Variants in METTL15 observed in about 807,000 individuals in gnomAD.
METTL15 encodes 12S rRNA N(4)-cytidine methyltransferase METTL15.
METTL15 carries 34 observed loss-of-function variants against 38.3 expected under a neutral mutation model. That is an observed-to-expected ratio of 0.89 (90% CI 0.68 to 1.18). The LOEUF (loss-of-function observed/expected upper bound fraction) is 1.18. Ranked by LOEUF, METTL15 falls within the 50% of genes most tolerant of loss-of-function variation. METTL15 has a pLI of 0.00. For missense variants in METTL15, 438 were observed against 498.4 expected (o/e 0.88, Z 1.15); for synonymous variants, 162 against 170.9 (o/e 0.95, Z 0.41).
chr11:28,128,381 C>G (rs1852588455), intron 3 of METTL15, among the ~76,000 whole-genome samples: 2 of 151,912 alleles, frequency 1.3e-5, no homozygotes. Context: ...CAATATAATG[C>G]TAGAAATTGA....
rs892854650 is a variant in METTL15, at chr11:28,262,996, GTTTTC to G, written c.408-27205_408-27201del. Among the ~76,000 whole-genome samples the G allele has an allele frequency of 5.9e-5, 9 of 151,884 alleles. No individual in the cohort carries two copies. The South Asian group carries it at 8.3e-4, about 14-fold the overall frequency. ...GAGTAGAGTACTTCAATCCATGTCTGTTTTCTTTTTTTTAATTGGGTTATTTCCAC... is the reference window on the plus strand; with the variant it reads ...GAGTAGAGTACTTCAATCCATGTCTGTTTTTTTTAATTGGGTTATTTCCAC... On this transcript the variant is annotated intron_variant, in intron 4 of 6. Transcript: ENST00000407364.
chr11:28,419,572 T>C (rs1419402952), intron 5 of METTL15, among the ~76,000 whole-genome samples: 1 of 152,126 alleles, frequency 6.6e-6, no homozygotes, highest in African/African-American at 2.4e-5. Flanking sequence ...CTGTGAAGAC[T>C]ACCATAAATA....
intron 5 of METTL15, among the ~76,000 whole-genome samples, chr11:28,411,563 T>G (rs1850724391): frequency 1.3e-5 from 2 of 151,884 alleles, no homozygotes; most frequent in African/African-American, 2.4e-5. Context: ...AACCCTTAGA[T>G]CATACACAGA....
intron 3 of METTL15, among the ~76,000 whole-genome samples, chr11:28,177,250 C>G (rs1311958657): frequency 6.6e-6 from 1 of 151,966 alleles, no homozygotes; most frequent in Non-Finnish European, 1.5e-5. Flanking sequence ...GAATTAGCAT[C>G]TGACATTTTA....
At chr11:28,405,070 G>A (rs1251951748) in intron 5 of METTL15, among the ~76,000 whole-genome samples, 1 of 152,108 alleles carries the variant, frequency 6.6e-6, no homozygotes, top group Non-Finnish European at 1.5e-5. Flanking sequence ...AACATTCATT[G>A]TACAGCTGCA....
intron 3 of METTL15, among the ~76,000 whole-genome samples, chr11:28,339,710 A>G (rs1849933409): frequency 6.6e-6 from 1 of 152,104 alleles, no homozygotes; most frequent in Non-Finnish European, 1.5e-5. Flanking sequence ...CAAACTACAG[A>G]TCCAAGAAGC....
At chr11:28,521,023 T>TG (rs1362197609) in intron 6 of METTL15, among the ~76,000 whole-genome samples, 19 of 152,350 alleles carry the variant, frequency 1.2e-4, no homozygotes, top group African/African-American at 4.6e-4. Context: ...TTCTTTTTTT[T>TG]TTTTTAACTT....
At chr11:28,184,768 G>A (rs529231866) in intron 3 of METTL15, among the ~76,000 whole-genome samples, 4 of 151,218 alleles carry the variant, frequency 2.6e-5, no homozygotes, top group Non-Finnish European at 4.4e-5. Context: ...GTTCTTATGC[G>A]AAAGGAAAAT....
At chr11:28,388,220 A>G (rs1005071863) in intron 5 of METTL15, among the ~76,000 whole-genome samples, 2 of 152,108 alleles carry the variant, frequency 1.3e-5, no homozygotes, top group South Asian at 4.1e-4. Flanking sequence ...AGAGCAGTTA[A>G]CCAAGAAAAA....
intron 3 of METTL15, among the ~76,000 whole-genome samples, chr11:28,197,987 G>T (rs1041491157): frequency 9.2e-5 from 14 of 152,016 alleles, no homozygotes; most frequent in African/African-American, 2.9e-4. Flanking sequence ...GTATTTCTTT[G>T]TTTTCACATT....
At chr11:28,316,101 C>A (rs774283795) in intron 6 of METTL15, among the ~76,000 whole-genome samples, 1 of 152,206 alleles carries the variant, frequency 6.6e-6, no homozygotes, top group Non-Finnish European at 1.5e-5. Context: ...CTCCAGACCG[C>A]AGAATGGTAG....
chr11:28,380,283 T>C (rs548434271), intron 5 of METTL15, among the ~76,000 whole-genome samples: 1 of 150,536 alleles, frequency 6.6e-6, no homozygotes, highest in Admixed American at 6.7e-5. Flanking sequence ...TTCTCCTGCC[T>C]CAGCCTCCTG....
chr11:28,247,079 A>G (rs938859094), intron 4 of METTL15, among the ~76,000 whole-genome samples: 2 of 152,100 alleles, frequency 1.3e-5, no homozygotes, highest in Admixed American at 6.6e-5. Context: ...TCTATATGCT[A>G]TATACTAACT....
chr11:28,181,727 A>G (rs1320158081), intron 3 of METTL15, among the ~76,000 whole-genome samples: 2 of 149,534 alleles, frequency 1.3e-5, no homozygotes, highest in Non-Finnish European at 3.0e-5. Context: ...ACGTGTGTGC[A>G]TGTGTCTTTA....
chr11:28,149,447 A>G (rs898965433), intron 3 of METTL15, among the ~76,000 whole-genome samples: 5 of 151,838 alleles, frequency 3.3e-5, no homozygotes, highest in Admixed American at 3.3e-4. Flanking sequence ...GTACCACACC[A>G]GGGCCATTCT....
intron 5 of METTL15, among the ~76,000 whole-genome samples, chr11:28,374,781 A>T (rs1025544078): frequency 6.6e-6 from 1 of 151,138 alleles, no homozygotes; most frequent in African/African-American, 2.4e-5. Context: ...TTGCCCATTC[A>T]GTATGGTATT....
At chr11:28,417,114 A>C (rs1850778804) in intron 5 of METTL15, among the ~76,000 whole-genome samples, 1 of 152,178 alleles carries the variant, frequency 6.6e-6, no homozygotes, top group African/African-American at 2.4e-5. Flanking sequence ...CTTAGTGAGA[A>C]AAAGCACTTT....
intron 3 of METTL15, among the ~76,000 whole-genome samples, chr11:28,202,525 T>C (rs949297333): frequency 9.2e-5 from 14 of 152,024 alleles, no homozygotes; most frequent in African/African-American, 2.9e-4. Flanking sequence ...TAATGTAATA[T>C]CTACCTGTTA....
intron 6 of METTL15, chr11:28,328,129 T>G: frequency 6.2e-7 from 1 of 1,611,886 alleles, no homozygotes; most frequent in Non-Finnish European, 8.5e-7. Context: ...TGGCCCAAAC[T>G]CTTTATTAGG....
Sources: allele counts gnomAD v4.1 joint callset (sites outside exome capture counted in the v4.1 genomes callset), GRCh38; gene constraint gnomAD v4.1.1; transcripts MANE v1.5; gene names NCBI Gene and HGNC (gene_info 2026-07-23, HGNC 2026-07-21).